The following C16orf74 variants were observed in gnomAD, a reference collection of about 807,000 sequenced individuals.
The protein encoded by C16orf74 is uncharacterized protein C16orf74.
In C16orf74, 10 loss-of-function variants were observed where a neutral mutation model predicts 6.5. The observed-to-expected ratio is 1.54, with a 90% CI of 0.95 to 2.61. C16orf74 has a LOEUF of 2.61. Ranked by LOEUF, C16orf74 falls within the 30% of genes most tolerant of loss-of-function variation. C16orf74 has a pLI of 0.00. For synonymous variants in C16orf74, 60 were observed against 42.5 expected, an observed-to-expected ratio of 1.41 and a Z score of -1.60; for missense variants, 141 against 105.9, an observed-to-expected ratio of 1.33 and a Z score of -1.45.
At chr16:85,719,797 G>A (rs2054061667) in intron 2 of C16orf74, among the ~76,000 whole-genome samples, 1 of 150,232 alleles carries the variant, frequency 6.7e-6, no homozygotes. Flanking sequence ...GGGGCCACAG[G>A]CCACAGCACA....
intron 1 of C16orf74, among the ~76,000 whole-genome samples, chr16:85,740,566 G>A (rs2054294022): frequency 6.6e-6 from 1 of 151,912 alleles, no homozygotes; most frequent in Admixed American, 6.6e-5. Context: ...GCCAGGCGTG[G>A]TGGCGGGCCC....
rs547750793 is a variant in C16orf74 at position 85,738,632 on chromosome 16, G to A, written c.-18-3397C>T. 2.4e-4 allele frequency among the ~76,000 whole-genome samples: 37 copies of A among 152,010 alleles called. No individual in the cohort carries two copies. In the South Asian group the frequency reaches 6.2e-3, roughly 26 times the overall value. Reference sequence around the variant, plus strand: ...AGGTGTGAGCCACCGCGCCGGGCCCGGCACTGGGATTTTTAAAAGCTCCCT... The same window carrying A: ...AGGTGTGAGCCACCGCGCCGGGCCCAGCACTGGGATTTTTAAAAGCTCCCT... On this transcript the variant is annotated intron_variant, in intron 1 of 3. Transcript: ENST00000284245.
At position 85,708,776 on chromosome 16, in the gene C16orf74, G is replaced by A. The variant is rs552233885; in HGVS notation, c.173-710C>T. Reference sequence around the variant, plus strand: ...TTCTCCCAGTCACTCGCTCTGCTGGGCAAGTGGAGACCCAAGCTCAGGACA... The same window carrying A: ...TTCTCCCAGTCACTCGCTCTGCTGGACAAGTGGAGACCCAAGCTCAGGACA... On this transcript the variant is annotated intron_variant, in intron 3 of 3. Coordinates refer to ENST00000284245, the MANE Select transcript of C16orf74 (RefSeq NM_206967.3). 2.6e-5 allele frequency among the ~76,000 whole-genome samples: 4 copies of A among 152,308 alleles called. No homozygotes were observed. In the South Asian group the frequency reaches 6.2e-4, roughly 24 times the overall value.
chr16:85,711,187 A>G (rs891531238), intron 2 of C16orf74, among the ~76,000 whole-genome samples: 7 of 151,806 alleles, frequency 4.6e-5, no homozygotes, highest in African/African-American at 1.7e-4. Flanking sequence ...GGTGGCACAC[A>G]CCTGTAATCC....
At chr16:85,714,628 C>T (rs1363628991) in intron 2 of C16orf74, among the ~76,000 whole-genome samples, 1 of 151,250 alleles carries the variant, frequency 6.6e-6, no homozygotes, top group African/African-American at 2.4e-5. Context: ...CCATATTGGC[C>T]AGGCTGGTCT....
intron 2 of C16orf74, among the ~76,000 whole-genome samples, chr16:85,714,077 GC>G: frequency 6.6e-6 from 1 of 152,178 alleles, no homozygotes; most frequent in South Asian, 2.1e-4. Flanking sequence ...GGTCATGTGT[GC>G]CCCCGCCCCA....
chr16:85,725,455 G>C lies in C16orf74; in HGVS notation c.28+9735C>G, dbSNP rs114339193. Among the ~76,000 whole-genome samples, 250 of 152,304 alleles carry C rather than the reference G, an allele frequency of 1.6e-3. 1 individual carries two copies. The highest frequency in any genetic ancestry group is 5.8e-3 in the African/African-American group (241 of 41,560). ...GGCCTCCTAGAGCACCAGTGCCTGGGACCCATCCACACCAATCTCATCCCA... is the reference window on the plus strand; with the variant it reads ...GGCCTCCTAGAGCACCAGTGCCTGGCACCCATCCACACCAATCTCATCCCA... On this transcript the variant is annotated intron_variant, in intron 2 of 3. Transcript: ENST00000284245.
chr16:85,712,093 G>C (rs1023751286), intron 2 of C16orf74, among the ~76,000 whole-genome samples: 1 of 152,186 alleles, frequency 6.6e-6, no homozygotes, highest in Non-Finnish European at 1.5e-5. Context: ...CATGTTACGA[G>C]GATGCTCAAG....
chr16:85,734,863 C>T (rs1243548098), intron 2 of C16orf74, among the ~76,000 whole-genome samples: 2 of 152,224 alleles, frequency 1.3e-5, no homozygotes, highest in Non-Finnish European at 2.9e-5. Context: ...GGAAAGCAAA[C>T]AGCCCAGCAT....
intron 2 of C16orf74, among the ~76,000 whole-genome samples, chr16:85,713,583 C>G (rs577477878): frequency 5.4e-4 from 82 of 152,278 alleles, no homozygotes; most frequent in African/African-American, 1.9e-3. Flanking sequence ...CAGATTTCCC[C>G]TTTTGATAAG....
At chr16:85,723,436 T>C (rs1362966321) in intron 2 of C16orf74, among the ~76,000 whole-genome samples, 1 of 151,734 alleles carries the variant, frequency 6.6e-6, no homozygotes, top group African/African-American at 2.4e-5. Flanking sequence ...TGCTTCCTGT[T>C]AAAAACAGAG....
At chr16:85,740,827 C>A (rs1368977330) in intron 1 of C16orf74, among the ~76,000 whole-genome samples, 114 of 97,876 alleles carry the variant, frequency 1.2e-3, no homozygotes, top group African/African-American at 1.5e-3. Context: ...GTGAGACCCT[C>A]AAAAAAAAAA....
chr16:85,710,317 C>A lies in C16orf74; in HGVS notation c.29-10G>T. ...ACACACATTTGAAAGCCTGAGAAGC[C>A]AGGCGTGGAGCACACACGCACGTAC... On this transcript the variant is annotated splice_polypyrimidine_tract_variant and intron_variant, in intron 2 of 3. Transcript: ENST00000284245. The A allele has an allele frequency of 6.7e-7, 1 of 1,498,924 alleles. No individual in the cohort carries two copies. The allele number at this position is 1,498,924 out of a possible 1,614,324, so 92.9% of individuals were successfully genotyped here. A position where few individuals can be genotyped will look rare whatever the true frequency, so the allele number is the denominator to read the frequency against.
intron 2 of C16orf74, among the ~76,000 whole-genome samples, chr16:85,718,132 T>C (rs1010617480): frequency 3.3e-5 from 5 of 152,334 alleles, no homozygotes; most frequent in African/African-American, 1.2e-4. Context: ...TCTCTCTCTG[T>C]GGCTCAGGTT....
intron 2 of C16orf74, among the ~76,000 whole-genome samples, chr16:85,715,192 C>A (rs2054011323): frequency 1.3e-5 from 2 of 151,412 alleles, no homozygotes; most frequent in African/African-American, 2.4e-5. Context: ...ATTTCTCCTG[C>A]AATCTTGCAC....
At chr16:85,718,154 G>C (rs1003111979) in intron 2 of C16orf74, among the ~76,000 whole-genome samples, 3 of 152,162 alleles carry the variant, frequency 2.0e-5, no homozygotes, top group African/African-American at 7.2e-5. Context: ...ACTGCAGCCT[G>C]GACTTCCCTG....
intron 1 of C16orf74, among the ~76,000 whole-genome samples, chr16:85,740,292 G>A (rs114952342): frequency 0.038 from 5,669 of 147,992 alleles, 393 homozygotes; most frequent in African/African-American, 0.14. Flanking sequence ...GGTGGCTCAC[G>A]CCTTGTAATC....
At chr16:85,727,126 G>A (rs1567807259) in intron 2 of C16orf74, among the ~76,000 whole-genome samples, 2 of 152,258 alleles carry the variant, frequency 1.3e-5, no homozygotes, top group South Asian at 2.1e-4. Context: ...GTGCACGGTA[G>A]GGACGCAATA....
At chr16:85,717,705 C>A in intron 2 of C16orf74, among the ~76,000 whole-genome samples, 1 of 152,256 alleles carries the variant, frequency 6.6e-6, no homozygotes, top group East Asian at 1.9e-4. Context: ...TCACACCATC[C>A]CTCAGGGAGA....
Sources: allele counts gnomAD v4.1 joint callset (sites outside exome capture counted in the v4.1 genomes callset), GRCh38; gene constraint gnomAD v4.1.1; transcripts MANE v1.5; gene names NCBI Gene and HGNC (gene_info 2026-07-23, HGNC 2026-07-21).